The following FSTL4 variants were observed in gnomAD, a reference collection of about 807,000 sequenced individuals.
FSTL4 encodes follistatin like 4.
FSTL4 carries 28 observed loss-of-function variants against 78.2 expected under a neutral mutation model. The observed-to-expected ratio is 0.36, with a 90% CI of 0.27 to 0.49. The LOEUF (loss-of-function observed/expected upper bound fraction) is 0.49. Among genes scored for constraint, FSTL4 ranks in the 20% least tolerant of loss-of-function variants. The probability of loss-of-function intolerance (pLI) is 0.98; values close to 1 mark genes in which losing one functional copy is unlikely to be tolerated. For synonymous variants in FSTL4, 422 were observed against 440.5 expected (o/e 0.96, Z 0.53); for missense variants, 922 against 1,084.9 (o/e 0.85, Z 2.11).
intron 12 of FSTL4, among the ~76,000 whole-genome samples, chr5:133,218,763 A>T (rs1048646044): frequency 6.6e-6 from 1 of 152,054 alleles, no homozygotes; most frequent in African/African-American, 2.4e-5. Flanking sequence ...GACCTCGTCT[A>T]TCTCAGCTCT....
the FSTL4 span, among the ~76,000 whole-genome samples, chr5:133,669,037 C>A: frequency 6.6e-6 from 1 of 152,272 alleles, no homozygotes; most frequent in Admixed American, 6.5e-5. Flanking sequence ...ATTAGCATCA[C>A]AATTCAGGAT....
the FSTL4 span, among the ~76,000 whole-genome samples, chr5:133,831,874 G>A: frequency 6.6e-6 from 1 of 152,188 alleles, no homozygotes; most frequent in Non-Finnish European, 1.5e-5. Context: ...TTCGCAAGCT[G>A]GCTCTCTCGG....
chr5:133,567,517 G>T (rs1293617760), intron 2 of FSTL4, among the ~76,000 whole-genome samples: 1 of 152,196 alleles, frequency 6.6e-6, no homozygotes, highest in African/African-American at 2.4e-5. Context: ...AAGTGTTAAG[G>T]AAGACCCTCT....
intron 6 of FSTL4, among the ~76,000 whole-genome samples, chr5:133,288,321 T>A (rs902711144): frequency 2.2e-4 from 34 of 152,108 alleles, no homozygotes; most frequent in African/African-American, 8.0e-4. Flanking sequence ...GGCCCCTCTG[T>A]CCCGGGGGTC....
At chr5:133,659,182 T>C in the FSTL4 span, among the ~76,000 whole-genome samples, 1 of 152,128 alleles carries the variant, frequency 6.6e-6, no homozygotes, top group East Asian at 1.9e-4. Context: ...CAAGTATTAG[T>C]TTTTGAGACT....
chr5:133,309,292 C>T (rs529192057), intron 6 of FSTL4, among the ~76,000 whole-genome samples: 1 of 152,210 alleles, frequency 6.6e-6, no homozygotes, highest in South Asian at 2.1e-4. Flanking sequence ...GGACACTGAG[C>T]CTTTAGTTCC....
At chr5:133,641,278 A>G in the FSTL4 span, among the ~76,000 whole-genome samples, 1 of 151,900 alleles carries the variant, frequency 6.6e-6, no homozygotes, top group Non-Finnish European at 1.5e-5. Flanking sequence ...ACAAAAAAAA[A>G]CACGTACTGA....
At chr5:133,509,713 G>A (rs1242272524) in intron 3 of FSTL4, among the ~76,000 whole-genome samples, 1 of 152,230 alleles carries the variant, frequency 6.6e-6, no homozygotes, top group Non-Finnish European at 1.5e-5. Flanking sequence ...TAAACACTCT[G>A]AATGTTTCAT....
chr5:133,533,686 C>T (rs997610983), intron 3 of FSTL4, among the ~76,000 whole-genome samples: 14 of 152,172 alleles, frequency 9.2e-5, no homozygotes, highest in Admixed American at 2.6e-4. Context: ...TAGTGAGGAG[C>T]GGAACAAACA....
At chr5:133,240,046 A>G (rs188874261) in intron 7 of FSTL4, among the ~76,000 whole-genome samples, 65 of 152,354 alleles carry the variant, frequency 4.3e-4, no homozygotes, top group African/African-American at 1.4e-3. Flanking sequence ...GCTCTTTGCA[A>G]TAAATGCTGC....
At chr5:133,287,317 G>A (rs1753155006) in intron 6 of FSTL4, among the ~76,000 whole-genome samples, 1 of 151,854 alleles carries the variant, frequency 6.6e-6, no homozygotes, top group Non-Finnish European at 1.5e-5. Context: ...GAACCCAGGA[G>A]GTGGGGCTTG....
At chr5:133,293,560 G>T (rs1006198428) in intron 6 of FSTL4, among the ~76,000 whole-genome samples, 3 of 152,176 alleles carry the variant, frequency 2.0e-5, no homozygotes, top group Non-Finnish European at 4.4e-5. Flanking sequence ...GCATCCATAT[G>T]ACTGAGTTCT....
chr5:133,241,831 T>A (rs1751882264), intron 7 of FSTL4, among the ~76,000 whole-genome samples: 1 of 152,014 alleles, frequency 6.6e-6, no homozygotes, highest in Admixed American at 6.5e-5. Flanking sequence ...TTACCAAGGG[T>A]TTCAGCTCCT....
chr5:133,211,300 T>A (rs1276400276), intron 13 of FSTL4, among the ~76,000 whole-genome samples: 1 of 152,226 alleles, frequency 6.6e-6, no homozygotes, highest in Admixed American at 6.5e-5. Flanking sequence ...CCTGCTCTTC[T>A]TCTTGTCACT....
rs992490553 is a variant in FSTL4, at chr5:133,611,310, C to T, written c.-11+1015G>A. On this transcript the variant is annotated intron_variant, in intron 1 of 15. Transcript: ENST00000265342. This position sits in a 1 kb window ranked among gnomAD's most constrained non-coding sequence, Gnocchi z 4.9. ...TGGAAAACAAGAAACCCCACTGCCTCGGCGGCTTTCCGCTCCCGCAAGAGT... is the reference window on the plus strand; with the variant it reads ...TGGAAAACAAGAAACCCCACTGCCTTGGCGGCTTTCCGCTCCCGCAAGAGT... Among the ~76,000 whole-genome samples, 3 of 152,162 alleles carry T rather than the reference C, an allele frequency of 2.0e-5. No individual in the cohort carries two copies. The highest frequency in any genetic ancestry group is 2.9e-5 in the Non-Finnish European group (2 of 68,022).
At chr5:133,459,892 C>T (rs1757558815) in intron 3 of FSTL4, among the ~76,000 whole-genome samples, 1 of 152,224 alleles carries the variant, frequency 6.6e-6, no homozygotes, top group Non-Finnish European at 1.5e-5. Flanking sequence ...CCACACTCTC[C>T]CCCTGCCCCT....
chr5:133,506,096 T>C (rs531530582), intron 3 of FSTL4, among the ~76,000 whole-genome samples: 23 of 152,304 alleles, frequency 1.5e-4, no homozygotes, highest in Admixed American at 9.8e-4. Context: ...TGGAAAATCA[T>C]CAGAGCTGTC....
the FSTL4 span, among the ~76,000 whole-genome samples, chr5:133,630,382 T>C: frequency 6.6e-6 from 1 of 152,076 alleles, no homozygotes; most frequent in Non-Finnish European, 1.5e-5. Context: ...ATGAGTGAAC[T>C]CCCATTCACC....
At chr5:133,370,772 C>T (rs578067600) in intron 4 of FSTL4, among the ~76,000 whole-genome samples, 84 of 152,062 alleles carry the variant, frequency 5.5e-4, no homozygotes, top group South Asian at 2.9e-3. Context: ...GCAGCCTCGC[C>T]CTCAGAGCAG....
Sources: gnomAD v4.1 joint callset for allele counts (sites outside exome capture counted in the v4.1 genomes callset) on GRCh38, gnomAD v4.1.1 for gene constraint, Gnocchi (gnomAD v3.1) non-coding constraint, MANE v1.5 for transcripts, NCBI Gene and HGNC (gene_info 2026-07-23, HGNC 2026-07-21) for gene names.